RPS6KC1: variants seen among roughly 807,000 people sequenced by gnomAD.
RPS6KC1 encodes the protein inactive ribosomal protein S6 kinase delta-1.
Under a neutral mutation model 103.8 loss-of-function variants are expected in RPS6KC1, and 54 were observed. The ratio of observed to expected loss-of-function variants is 0.52; its 90% confidence interval spans 0.42 to 0.65. The LOEUF is 0.65. Among genes scored for constraint, RPS6KC1 ranks in the 30% least tolerant of loss-of-function variants. The pLI is 0.00. For synonymous variants in RPS6KC1, 439 were observed against 438.7 expected (o/e 1.00, Z -0.01); for missense variants, 1,151 against 1,253.8 (o/e 0.92, Z 1.24).
chr1:213,491,075 G>A, the RPS6KC1 span, among the ~76,000 whole-genome samples: 1 of 152,128 alleles, frequency 6.6e-6, no homozygotes, highest in South Asian at 2.1e-4. Flanking sequence ...CCACCCCAAT[G>A]TTCACCTACC....
chr1:213,427,270 A>G, the RPS6KC1 span, among the ~76,000 whole-genome samples: 1 of 152,224 alleles, frequency 6.6e-6, no homozygotes, highest in Non-Finnish European at 1.5e-5. Context: ...GTGTTTTGGA[A>G]CTTTGTGGAA....
intron 10 of RPS6KC1, among the ~76,000 whole-genome samples, chr1:213,238,890 C>T (rs922170340): frequency 6.6e-6 from 1 of 152,112 alleles, no homozygotes; most frequent in African/African-American, 2.4e-5. Context: ...TTGAAAACCA[C>T]CCAAATCATT....
chr1:213,174,670 C>CAAAA (rs370278907), intron 7 of RPS6KC1, among the ~76,000 whole-genome samples: 3 of 43,368 alleles, frequency 6.9e-5, no homozygotes, highest in East Asian at 6.1e-4. Flanking sequence ...AACTCCATCT[C>CAAAA]AAAAAAAAAA....
chr1:213,272,867 C>T lies in RPS6KC1; in HGVS notation c.*233C>T. On this transcript the variant is annotated 3_prime_UTR_variant, in exon 15 of 15. Coordinates refer to ENST00000366960, the MANE Select transcript of RPS6KC1 (RefSeq NM_012424.6). ...CATATATACACAACCAAGGTGTGAT[C>T]TGAATTTAATCCACATTTGGTGTTG... 6.6e-6 allele frequency: 2 copies of T among 303,568 alleles called. No individual in the cohort carries two copies. The highest frequency in any genetic ancestry group is 1.2e-4 in the South Asian group (2 of 16,718). 18.8% of individuals were successfully genotyped at this position (303,568 alleles called of 1,614,324 possible).
intron 8 of RPS6KC1, among the ~76,000 whole-genome samples, chr1:213,216,539 A>G (rs1472272587): frequency 4.6e-5 from 7 of 151,820 alleles, no homozygotes; most frequent in Admixed American, 4.6e-4. Context: ...CATCTACAGA[A>G]CTCTCCACCC....
chr1:213,057,080 C>T (rs1023316287), intron 1 of RPS6KC1, among the ~76,000 whole-genome samples: 5 of 152,020 alleles, frequency 3.3e-5, no homozygotes, highest in East Asian at 1.9e-4. Flanking sequence ...GCTGGAACTA[C>T]GGGAACATGC....
chr1:213,310,702 C>T, the RPS6KC1 span, among the ~76,000 whole-genome samples: 6 of 152,274 alleles, frequency 3.9e-5, no homozygotes, highest in East Asian at 7.7e-4. Context: ...TGAACACGAA[C>T]GTAGTCAATG....
chr1:213,202,049 C>T (rs1433492852), intron 8 of RPS6KC1, among the ~76,000 whole-genome samples: 2 of 152,082 alleles, frequency 1.3e-5, no homozygotes, highest in Non-Finnish European at 1.5e-5. Context: ...ATTTAATGCT[C>T]TCAGACAGTT....
the RPS6KC1 span, chr1:213,818,541 G>C: frequency 6.6e-6 from 1 of 152,126 alleles, no homozygotes; most frequent in Non-Finnish European, 1.5e-5. Flanking sequence ...GCTTTATTGC[G>C]GTGGTCTGGA....
At chr1:213,114,135 G>A (rs1247213572) in intron 4 of RPS6KC1, among the ~76,000 whole-genome samples, 97 of 152,074 alleles carry the variant, frequency 6.4e-4, no homozygotes, top group Non-Finnish European at 1.2e-3. Flanking sequence ...CATTGAATCT[G>A]TAAATTACCT....
chr1:213,662,428 ATTTTT>A, the RPS6KC1 span, among the ~76,000 whole-genome samples: 12 of 120,958 alleles, frequency 9.9e-5, no homozygotes, highest in Admixed American at 1.8e-4. Context: ...CACCTGGCTA[ATTTTT>A]TTTTTTTTTT....
rs182882295 is a variant in RPS6KC1 at position 213,212,738 on chromosome 1, C to T, written c.1045-17759C>T. On this transcript the variant is annotated intron_variant, in intron 8 of 14. Coordinates refer to ENST00000366960, the MANE Select transcript of RPS6KC1 (RefSeq NM_012424.6). Reference sequence around the variant, plus strand: ...AGTTTCTGTTGCTTTATATCTTTGCCAGCATTTGGAGGTGTCAGTGTTCGG... The same window carrying T: ...AGTTTCTGTTGCTTTATATCTTTGCTAGCATTTGGAGGTGTCAGTGTTCGG... Among the ~76,000 whole-genome samples the T allele has an allele frequency of 1.8e-3, 277 of 152,274 alleles. 1 individual carries two copies. Among genetic ancestry groups the T allele is most frequent in the South Asian group, 0.015 (72 of 4,824 alleles).
chr1:213,636,773 A>C, the RPS6KC1 span, among the ~76,000 whole-genome samples: 4 of 152,354 alleles, frequency 2.6e-5, 1 homozygote, highest in African/African-American at 9.6e-5. Context: ...ATGGGATCTA[A>C]TTAAACTAAA....
At chr1:213,307,172 C>G in the RPS6KC1 span, among the ~76,000 whole-genome samples, 6 of 150,850 alleles carry the variant, frequency 4.0e-5, no homozygotes, top group African/African-American at 1.2e-4. Context: ...ACGCCATTCT[C>G]CTGCCTTAGC....
At chr1:213,553,514 G>A in the RPS6KC1 span, among the ~76,000 whole-genome samples, 3 of 152,060 alleles carry the variant, frequency 2.0e-5, no homozygotes, top group African/African-American at 7.2e-5. Context: ...ATTCCTTTTG[G>A]TATATGCCCA....
chr1:213,083,277 A>C (rs760905000), intron 3 of RPS6KC1, among the ~76,000 whole-genome samples: 1 of 152,236 alleles, frequency 6.6e-6, no homozygotes, highest in Non-Finnish European at 1.5e-5. Flanking sequence ...GGGTGGAACC[A>C]GTAGCTCAGA....
chr1:213,555,468 C>G, the RPS6KC1 span, among the ~76,000 whole-genome samples: 124 of 152,224 alleles, frequency 8.1e-4, no homozygotes, highest in African/African-American at 2.9e-3. Context: ...TTTGTTTTCG[C>G]TTTTGTTTTT....
At chr1:213,487,977 G>C in the RPS6KC1 span, among the ~76,000 whole-genome samples, 3 of 152,018 alleles carry the variant, frequency 2.0e-5, no homozygotes, top group Non-Finnish European at 4.4e-5. Context: ...CCATTCCTTT[G>C]ATTACATTCT....
intron 6 of RPS6KC1, among the ~76,000 whole-genome samples, chr1:213,160,643 A>G (rs1009635009): frequency 6.7e-6 from 1 of 148,156 alleles, no homozygotes; most frequent in Non-Finnish European, 1.5e-5. Context: ...GTGGCAAGTC[A>G]TATACAACAT....
Sources: allele counts gnomAD v4.1 joint callset (sites outside exome capture counted in the v4.1 genomes callset), GRCh38; gene constraint gnomAD v4.1.1; transcripts MANE v1.5; gene names NCBI Gene and HGNC (gene_info 2026-07-23, HGNC 2026-07-21).